The following AGBL4 variants were observed in gnomAD, a reference collection of about 807,000 sequenced individuals.
AGBL4 encodes AGBL carboxypeptidase 4.
AGBL4 carries 58 observed loss-of-function variants against 66.4 expected under a neutral mutation model. That is an observed-to-expected ratio of 0.87 (90% CI 0.71 to 1.09). AGBL4 has a LOEUF of 1.09. Ranked by LOEUF, AGBL4 falls within the 50% of genes least tolerant of loss-of-function variation. The pLI is 0.00. For missense variants in AGBL4, 579 were observed against 631.0 expected (o/e 0.92, Z 0.88); for synonymous variants, 234 against 222.9 (o/e 1.05, Z -0.44).
intron 3 of AGBL4, among the ~76,000 whole-genome samples, chr1:49,400,222 T>TA (rs1429565375): frequency 6.6e-6 from 1 of 152,214 alleles, no homozygotes; most frequent in Non-Finnish European, 1.5e-5. Flanking sequence ...GGTTCTCTAT[T>TA]ATGTTCCACT....
At chr1:49,787,169 A>T (rs1241270766) in intron 2 of AGBL4, among the ~76,000 whole-genome samples, 3 of 152,172 alleles carry the variant, frequency 2.0e-5, no homozygotes, top group African/African-American at 7.2e-5. Flanking sequence ...AGAAGGGCGG[A>T]CATATCACGT....
At chr1:48,579,259 G>T (rs913456916) in intron 11 of AGBL4, among the ~76,000 whole-genome samples, 1 of 151,812 alleles carries the variant, frequency 6.6e-6, no homozygotes, top group African/African-American at 2.4e-5. Flanking sequence ...ATGAAGGCTT[G>T]CTCTGTCCCC....
chr1:48,822,335 AAAG>A (rs1463019341), intron 6 of AGBL4, among the ~76,000 whole-genome samples: 3 of 152,246 alleles, frequency 2.0e-5, no homozygotes, highest in Non-Finnish European at 2.9e-5. Context: ...ATGGAATGCT[AAAG>A]AAGACTAAAA....
intron 9 of AGBL4, among the ~76,000 whole-genome samples, chr1:48,623,576 G>T (rs561289004): frequency 6.6e-6 from 1 of 152,254 alleles, no homozygotes; most frequent in African/African-American, 2.4e-5. Flanking sequence ...GGCTAAGGCC[G>T]ATTTCTGAAG....
At chr1:49,884,863 A>G (rs929626609) in intron 1 of AGBL4, among the ~76,000 whole-genome samples, 10 of 151,932 alleles carry the variant, frequency 6.6e-5, no homozygotes, top group Non-Finnish European at 1.5e-4. Flanking sequence ...ATGTGTATCT[A>G]TAGATGTAGC....
chr1:48,601,760 T>G (rs1358703333), intron 9 of AGBL4, among the ~76,000 whole-genome samples: 3 of 152,166 alleles, frequency 2.0e-5, no homozygotes, highest in Non-Finnish European at 2.9e-5. Flanking sequence ...AATTATGAGT[T>G]GAGATGGGAT....
chr1:49,277,374 G>T (rs1557794636), intron 3 of AGBL4, among the ~76,000 whole-genome samples: 1 of 152,032 alleles, frequency 6.6e-6, no homozygotes, highest in Non-Finnish European at 1.5e-5. Context: ...GGTTCATGGG[G>T]TGTGACATGA....
intron 6 of AGBL4, among the ~76,000 whole-genome samples, chr1:48,695,556 A>C (rs1570277747): frequency 1.3e-5 from 2 of 149,912 alleles, no homozygotes; most frequent in South Asian, 2.1e-4. Flanking sequence ...ACCTTTCCCC[A>C]CCCCCTCCCC....
intron 3 of AGBL4, among the ~76,000 whole-genome samples, chr1:49,461,386 T>G (rs184093954): frequency 3.3e-5 from 5 of 151,550 alleles, no homozygotes; most frequent in East Asian, 3.9e-4. Context: ...ATGATTCTAT[T>G]GCTGAGAATT....
chr1:48,724,443 C>T (rs990823162), intron 6 of AGBL4, among the ~76,000 whole-genome samples: 8 of 152,280 alleles, frequency 5.3e-5, no homozygotes, highest in Admixed American at 3.3e-4. Flanking sequence ...AAGGCTTGGG[C>T]AGCTGACCAG....
intron 1 of AGBL4, among the ~76,000 whole-genome samples, chr1:49,911,060 G>A (rs1375899433): frequency 6.6e-6 from 1 of 152,138 alleles, no homozygotes; most frequent in African/African-American, 2.4e-5. Flanking sequence ...GTAAACTTGT[G>A]GAAGGGAGGT....
At chr1:49,881,854 G>C (rs1647361890) in intron 1 of AGBL4, among the ~76,000 whole-genome samples, 1 of 151,760 alleles carries the variant, frequency 6.6e-6, no homozygotes, top group Non-Finnish European at 1.5e-5. Flanking sequence ...TCACTCTGAT[G>C]GTAGTTTCTT....
At chr1:49,469,318 A>G (rs1490114319) in intron 3 of AGBL4, among the ~76,000 whole-genome samples, 1 of 151,746 alleles carries the variant, frequency 6.6e-6, no homozygotes, top group East Asian at 1.9e-4. Flanking sequence ...TTCCAGTATT[A>G]TATTTCAATC....
intron 6 of AGBL4, among the ~76,000 whole-genome samples, chr1:48,772,981 C>G (rs545875572): frequency 1.2e-4 from 18 of 152,264 alleles, no homozygotes; most frequent in South Asian, 8.3e-4. Context: ...CTCCCTCCCC[C>G]ACAGAAATCC....
At chr1:48,789,921 T>C (rs1209367309) in intron 6 of AGBL4, among the ~76,000 whole-genome samples, 1 of 152,182 alleles carries the variant, frequency 6.6e-6, no homozygotes, top group Non-Finnish European at 1.5e-5. Context: ...ACTTCCTAGG[T>C]GGAGGCAGAC....
intron 1 of AGBL4, among the ~76,000 whole-genome samples, chr1:49,932,514 T>C (rs1432003423): frequency 6.6e-6 from 1 of 152,014 alleles, no homozygotes; most frequent in Non-Finnish European, 1.5e-5. Flanking sequence ...CTGGACTTAA[T>C]CAAAATTAGG....
intron 2 of AGBL4, among the ~76,000 whole-genome samples, chr1:49,816,853 T>G (rs575338291): frequency 1.3e-5 from 2 of 152,018 alleles, no homozygotes; most frequent in Non-Finnish European, 2.9e-5. Flanking sequence ...GGGATAGAAG[T>G]CAAAACCCAT....
rs547301094 is a variant in AGBL4 at position 49,702,948 on chromosome 1, A to G, written c.158-5511T>C. 9.2e-5 allele frequency among the ~76,000 whole-genome samples: 14 copies of G among 152,232 alleles called. No homozygotes were observed. The South Asian group carries it at 1.2e-3, about 14-fold the overall frequency. On this transcript the variant is annotated intron_variant, in intron 2 of 13. Coordinates refer to ENST00000371839, the MANE Select transcript of AGBL4 (RefSeq NM_032785.4). ...CACAAGGGACCTTCCTCAAACTCAT[A>G]AAGAGTATATTTGAAAAACACACAG... is the stretch of plus-strand genomic sequence containing the variant.
intron 4 of AGBL4, among the ~76,000 whole-genome samples, chr1:49,072,232 A>G (rs537703373): frequency 1.5e-4 from 23 of 152,256 alleles, no homozygotes; most frequent in African/African-American, 5.5e-4. Flanking sequence ...TGGGGCATTT[A>G]GCTCATTTAC....
Sources: allele counts gnomAD v4.1 joint callset (sites outside exome capture counted in the v4.1 genomes callset), GRCh38; gene constraint gnomAD v4.1.1; transcripts MANE v1.5; gene names NCBI Gene and HGNC (gene_info 2026-07-23, HGNC 2026-07-21).